Variants in PALLD observed in about 807,000 individuals in gnomAD.
The protein encoded by PALLD is palladin.
PALLD carries 61 observed loss-of-function variants against 123.5 expected under a neutral mutation model. The observed-to-expected ratio is 0.49, with a 90% CI of 0.40 to 0.61. PALLD has a LOEUF of 0.61. Ranked by LOEUF, PALLD falls within the 20% of genes least tolerant of loss-of-function variation. The pLI is 0.00. For missense variants in PALLD, 1,273 were observed against 1,377.0 expected (o/e 0.92, Z 1.20); for synonymous variants, 465 against 496.4 (o/e 0.94, Z 0.84).
chr4:168,778,050 GT>G (rs1735413188), intron 10 of PALLD, among the ~76,000 whole-genome samples: 1 of 152,176 alleles, frequency 6.6e-6, no homozygotes, highest in African/African-American at 2.4e-5. Context: ...TGAACTTTGT[GT>G]TTGTGGGAGA....
At chr4:168,918,191 A>C (rs1206928340) in intron 17 of PALLD, among the ~76,000 whole-genome samples, 138 of 141,412 alleles carry the variant, frequency 9.8e-4, no homozygotes, top group African/African-American at 3.4e-3. Context: ...TCTCCCCCAC[A>C]AAAAAAAAAA....
At chr4:168,926,152 A>C in intron 21 of PALLD, 61 bp from the exon 22 acceptor site, 1 of 1,320,750 alleles carries the variant, frequency 7.6e-7, no homozygotes. Flanking sequence ...TATTTGAAAT[A>C]TCTAAAGGCT....
At chr4:168,880,606 A>T (rs918457287) in intron 10 of PALLD, among the ~76,000 whole-genome samples, 3 of 152,238 alleles carry the variant, frequency 2.0e-5, no homozygotes, top group Non-Finnish European at 4.4e-5. Context: ...CAAAAATGTT[A>T]CTATTTTTGT....
chr4:168,597,008 C>T (rs187689113), intron 2 of PALLD, among the ~76,000 whole-genome samples: 41 of 151,830 alleles, frequency 2.7e-4, no homozygotes, highest in African/African-American at 8.9e-4. Flanking sequence ...AAAAAAATTA[C>T]GCCATAAGCA....
chr4:168,786,948 A>G (rs528540228), intron 10 of PALLD, among the ~76,000 whole-genome samples: 9 of 152,354 alleles, frequency 5.9e-5, no homozygotes, highest in Non-Finnish European at 1.0e-4. Flanking sequence ...GGAGGTTAAC[A>G]CTTGACAATC....
intron 10 of PALLD, among the ~76,000 whole-genome samples, chr4:168,770,229 C>T (rs1279750637): frequency 6.6e-6 from 1 of 152,192 alleles, no homozygotes; most frequent in African/African-American, 2.4e-5. Context: ...ACTTGGAGTA[C>T]TTAAGCTTAG....
At chr4:168,748,137 C>A (rs944230971) in intron 10 of PALLD, among the ~76,000 whole-genome samples, 8 of 152,100 alleles carry the variant, frequency 5.3e-5, no homozygotes, top group African/African-American at 1.9e-4. Flanking sequence ...ATATTTTGTC[C>A]TTTTGCCCTA....
At chr4:168,804,995 C>T (rs1388002989) in intron 10 of PALLD, among the ~76,000 whole-genome samples, 1 of 152,018 alleles carries the variant, frequency 6.6e-6, no homozygotes, top group Non-Finnish European at 1.5e-5. Flanking sequence ...CCCATCTCTA[C>T]TAAAAATACA....
In PALLD at chr4:168,760,234, G is replaced by C. The variant is rs77423092; in HGVS notation, c.1964+48311G>C. On this transcript the variant is annotated intron_variant, in intron 10 of 21. Transcript: ENST00000505667. ...CTGCCCTCCTCATCTTGGCTGCAGGGTTGTCAGGTTCTTTGGCCTTCTCAT... is the reference window on the plus strand; with the variant it reads ...CTGCCCTCCTCATCTTGGCTGCAGGCTTGTCAGGTTCTTTGGCCTTCTCAT... Among the ~76,000 whole-genome samples, 830 of 152,020 alleles carry C rather than the reference G, an allele frequency of 5.5e-3. 12 individuals carry two copies. The highest frequency in any genetic ancestry group is 0.018 in the African/African-American group (766 of 41,440).
chr4:168,716,040 G>A (rs752777953), intron 10 of PALLD, among the ~76,000 whole-genome samples: 10 of 152,162 alleles, frequency 6.6e-5, no homozygotes, highest in Non-Finnish European at 1.5e-4. Context: ...AATGTGGTAG[G>A]CGATTTGCCA....
chr4:168,634,275 T>A (rs187439384), intron 2 of PALLD, among the ~76,000 whole-genome samples: 1 of 152,322 alleles, frequency 6.6e-6, no homozygotes, highest in East Asian at 1.9e-4. Context: ...ACTTCGAGCT[T>A]TCCTGGCTTT....
intron 7 of PALLD, 127 bp from the exon 8 acceptor site, chr4:168,691,142 T>C: frequency 1.4e-6 from 1 of 717,640 alleles, no homozygotes; most frequent in Non-Finnish European, 2.5e-6. Context: ...TGATGGAGTT[T>C]GACTGTAACA....
At chr4:168,924,597 G>C (rs1241862384) in intron 19 of PALLD, among the ~76,000 whole-genome samples, 177 bp downstream of exon 19, 1 of 152,178 alleles carries the variant, frequency 6.6e-6, no homozygotes, top group Non-Finnish European at 1.5e-5. Flanking sequence ...TAAGCTTTTA[G>C]AAGGAAGCTA....
chr4:168,900,082 C>T (rs1215185402), intron 14 of PALLD, among the ~76,000 whole-genome samples: 5 of 152,158 alleles, frequency 3.3e-5, no homozygotes. Context: ...GTAGGAGCAA[C>T]AGAGAGAAGT....
chr4:168,894,556 T>G (rs1201650822), intron 11 of PALLD, 23 bp from the exon 12 acceptor site: 1 of 1,538,416 alleles, frequency 6.5e-7, no homozygotes, highest in Admixed American at 1.7e-5. Context: ...AATTTTGTAT[T>G]TTTTGTGACT....
intron 3 of PALLD, among the ~76,000 whole-genome samples, chr4:168,669,886 C>T (rs1450109548): frequency 2.0e-5 from 3 of 151,868 alleles, no homozygotes; most frequent in African/African-American, 7.3e-5. Context: ...ATAACTGAGG[C>T]CTGGAGAGGT....
intron 2 of PALLD, among the ~76,000 whole-genome samples, chr4:168,662,295 T>G (rs1244249348): frequency 3.9e-5 from 6 of 152,172 alleles, no homozygotes; most frequent in Non-Finnish European, 8.8e-5. Flanking sequence ...CACTCCTCTC[T>G]CAATCAAAAC....
At chr4:168,839,490 C>T (rs1389982657) in intron 10 of PALLD, among the ~76,000 whole-genome samples, 1 of 150,714 alleles carries the variant, frequency 6.6e-6, no homozygotes, top group Admixed American at 6.7e-5. Flanking sequence ...CTCAGCTGAG[C>T]GAATGGCAAA....
At chr4:168,610,560 A>T (rs1475578659) in intron 2 of PALLD, among the ~76,000 whole-genome samples, 4 of 150,894 alleles carry the variant, frequency 2.7e-5, no homozygotes, top group Admixed American at 6.6e-5. Flanking sequence ...TTTCTGCCTC[A>T]CCACGTGCTC....
Sources: allele counts gnomAD v4.1 joint callset (sites outside exome capture counted in the v4.1 genomes callset), GRCh38; gene constraint gnomAD v4.1.1; transcripts MANE v1.5; gene names NCBI Gene and HGNC (gene_info 2026-07-23, HGNC 2026-07-21).